The following PCDH11X variants were observed in gnomAD, a reference collection of about 807,000 sequenced individuals.
PCDH11X encodes the protein protocadherin-11 X-linked.
Under a neutral mutation model 53.3 loss-of-function variants are expected in PCDH11X, and 18 were observed. The observed-to-expected ratio is 0.34, with a 90% CI of 0.23 to 0.50. The LOEUF is 0.50. Ranked by LOEUF, PCDH11X falls within the 20% of genes least tolerant of loss-of-function variation. PCDH11X has a pLI of 0.98. For synonymous variants in PCDH11X, 279 were observed against 393.3 expected (o/e 0.71, Z 3.44); for missense variants, 570 against 1,032.4 (o/e 0.55, Z 6.14).
In PCDH11X at chrX:92,094,121, C is replaced by CA. The variant is rs1231937839; in HGVS notation, c.3034-107248dup. On this transcript the variant is annotated intron_variant, in intron 6 of 10. Coordinates refer to ENST00000682573, the MANE Select transcript of PCDH11X (RefSeq NM_032968.5). ...CTATTTAAAAATATCCAGCACCACACAAAAAAGTAATATGTGTGTGTGTGT... is the reference window on the plus strand; with the variant it reads ...CTATTTAAAAATATCCAGCACCACACAAAAAAAGTAATATGTGTGTGTGTGT... Among the ~76,000 whole-genome samples the CA allele has an allele frequency of 6.4e-5, 6 of 94,371 alleles. No homozygotes were observed. In the Admixed American group the frequency reaches 7.8e-4, roughly 12 times the overall value. 81.9% of individuals were successfully genotyped at this position (94,371 alleles called of 115,157 possible). A position where few individuals can be genotyped will look rare whatever the true frequency, so the allele number is the denominator to read the frequency against.
chrX:92,248,330 A>C lies in PCDH11X; in HGVS notation c.3115-14784A>C, dbSNP rs1370592292. On this transcript the variant is annotated intron_variant, in intron 7 of 10. Coordinates refer to ENST00000682573, the MANE Select transcript of PCDH11X (RefSeq NM_032968.5). ...AGCCACATTCTAGGTTCAAGTCAGT[A>C]TCAGAAAGTTAGTTATATATATAAC... is the stretch of plus-strand genomic sequence containing the variant. Among the ~76,000 whole-genome samples, 5 of 112,115 alleles carry C rather than the reference A, an allele frequency of 4.5e-5. No homozygotes were observed. The East Asian group carries it at 1.4e-3, about 31-fold the overall frequency.
intron 7 of PCDH11X, among the ~76,000 whole-genome samples, chrX:92,220,950 CA>C (rs1472895691): frequency 9.8e-6 from 1 of 101,628 alleles, no homozygotes; most frequent in Non-Finnish European, 2.0e-5. Context: ...ATCACAAGAA[CA>C]AAAAACCAAA....
intron 10 of PCDH11X, among the ~76,000 whole-genome samples, chrX:92,549,983 A>T (rs2074927290): frequency 9.0e-6 from 1 of 110,734 alleles, no homozygotes; most frequent in Admixed American, 9.6e-5. Context: ...TTTTGAAAAC[A>T]TATCATAAAT....
chrX:92,549,792 C>G (rs926967028), intron 10 of PCDH11X, among the ~76,000 whole-genome samples: 1 of 110,885 alleles, frequency 9.0e-6, no homozygotes, highest in African/African-American at 3.3e-5. Flanking sequence ...AATAGAGCAG[C>G]ATATGTATTT....
intron 4 of PCDH11X, among the ~76,000 whole-genome samples, chrX:91,824,975 G>C (rs1936854277): frequency 9.1e-6 from 1 of 109,937 alleles, no homozygotes; most frequent in Non-Finnish European, 1.9e-5. Context: ...GTGCCTCCCA[G>C]TTAGGCTGCT....
At chrX:91,927,396 T>G (rs1293911270) in intron 6 of PCDH11X, among the ~76,000 whole-genome samples, 1 of 109,870 alleles carries the variant, frequency 9.1e-6, no homozygotes, top group Non-Finnish European at 1.9e-5. Flanking sequence ...CTTCCCCTTT[T>G]CATAAATGAG....
At chrX:91,942,128 G>A (rs2147857149) in intron 6 of PCDH11X, among the ~76,000 whole-genome samples, 1 of 109,510 alleles carries the variant, frequency 9.1e-6, no homozygotes, top group South Asian at 3.9e-4. Context: ...AAGAATCAAG[G>A]ACCTCAGGCT....
In PCDH11X at chrX:92,024,190, A is replaced by G. The variant is rs1299465982; in HGVS notation, c.3033+144917A>G. ...GGAAATCAGGCAAGATAAATAAATAACGGTATTCAAATAGGAAGAGAGAAA... is the reference window on the plus strand; with the variant it reads ...GGAAATCAGGCAAGATAAATAAATAGCGGTATTCAAATAGGAAGAGAGAAA... On this transcript the variant is annotated intron_variant, in intron 6 of 10. Transcript: ENST00000682573. Among the ~76,000 whole-genome samples, 3 of 110,619 alleles carry G rather than the reference A, an allele frequency of 2.7e-5. No homozygotes were observed. The East Asian group carries it at 8.6e-4, about 32-fold the overall frequency.
rs1402244895 is a variant in PCDH11X, at chrX:92,136,740, G to A, written c.3034-64635G>A. Reference sequence around the variant, plus strand: ...GATAGAGCCTTGCAGGGCATTTTAAGAGCTTTAACTTTTAATCAGAGTGTG... The same window carrying A: ...GATAGAGCCTTGCAGGGCATTTTAAAAGCTTTAACTTTTAATCAGAGTGTG... On this transcript the variant is annotated intron_variant, in intron 6 of 10. Transcript: ENST00000682573. Among the ~76,000 whole-genome samples, 4 of 109,476 alleles carry A rather than the reference G, an allele frequency of 3.7e-5. 1 individual carries two copies. Among genetic ancestry groups the A allele is most frequent in the Admixed American group, 3.0e-4 (3 of 10,058 alleles).
At chrX:92,366,411 G>GT (rs1316110663) in intron 8 of PCDH11X, among the ~76,000 whole-genome samples, 1 of 109,659 alleles carries the variant, frequency 9.1e-6, no homozygotes, top group Non-Finnish European at 1.9e-5. Context: ...CAGTCTATCT[G>GT]TTTTTTAAAA....
chrX:92,384,424 C>T (rs181758072), intron 8 of PCDH11X, among the ~76,000 whole-genome samples: 1,957 of 111,761 alleles, frequency 0.018, 33 homozygotes, highest in African/African-American at 0.06. Flanking sequence ...TCACCTTGCC[C>T]GCTGCCTAGA....
intron 10 of PCDH11X, among the ~76,000 whole-genome samples, chrX:92,527,128 CTGGGGTTT>C (rs1292414884): frequency 1.8e-5 from 2 of 111,240 alleles, no homozygotes; most frequent in African/African-American, 6.5e-5. Flanking sequence ...GGAAGGGTAG[CTGGGGTTT>C]GGGATGAGGT....
At chrX:92,160,302 C>T (rs1294596677) in intron 6 of PCDH11X, among the ~76,000 whole-genome samples, 1 of 110,644 alleles carries the variant, frequency 9.0e-6, no homozygotes, top group African/African-American at 3.3e-5. Context: ...CCTTTTATTT[C>T]TCACTCCCTT....
rs1569389565 is a variant in PCDH11X at position 92,148,180 on chromosome X, CT to C, written c.3034-53192del. Among the ~76,000 whole-genome samples, 95 of 49,974 alleles carry C rather than the reference CT, an allele frequency of 1.9e-3. 19 individuals carry two copies. Among genetic ancestry groups the C allele is most frequent in the African/African-American group, 8.3e-3 (93 of 11,261 alleles). 43.4% of individuals were successfully genotyped at this position (49,974 alleles called of 115,157 possible). The stretch of plus-strand genomic sequence containing the variant: ...TCCTTCCTTCCTTCCTTCCTTCTTT[CT>C]TTCTTTCTTTCTTTCTTTCTTTCTT... On this transcript the variant is annotated intron_variant, in intron 6 of 10. Transcript: ENST00000682573.
At chrX:91,980,944 A>C (rs1210173712) in intron 6 of PCDH11X, among the ~76,000 whole-genome samples, 1 of 97,648 alleles carries the variant, frequency 1.0e-5, no homozygotes, top group Non-Finnish European at 2.0e-5. Context: ...CAGTGTATAT[A>C]TTTTATATAT....
chrX:92,353,845 G>T (rs1021557214), intron 8 of PCDH11X, among the ~76,000 whole-genome samples: 8 of 109,365 alleles, frequency 7.3e-5, no homozygotes, highest in Non-Finnish European at 1.5e-4. Context: ...GACTACACTG[G>T]CCTTGAGTCA....
At chrX:92,441,855 T>C in intron 9 of PCDH11X, among the ~76,000 whole-genome samples, 1 of 110,309 alleles carries the variant, frequency 9.1e-6, no homozygotes, top group East Asian at 2.9e-4. Context: ...TTTCACTGTG[T>C]GCCTGGAAAA....
chrX:92,214,260 G>A (rs192391989), intron 7 of PCDH11X, among the ~76,000 whole-genome samples: 10 of 111,830 alleles, frequency 8.9e-5, no homozygotes, highest in East Asian at 2.8e-4. Flanking sequence ...ATTCAAATGC[G>A]CAAGAAGGAA....
chrX:92,364,801 G>T (rs2070426341), intron 8 of PCDH11X, among the ~76,000 whole-genome samples: 1 of 100,000 alleles, frequency 1.0e-5, no homozygotes, highest in African/African-American at 3.7e-5. Flanking sequence ...TACTTGAGAG[G>T]CTGAGACGGG....
Sources: gnomAD v4.1 joint callset for allele counts (sites outside exome capture counted in the v4.1 genomes callset) on GRCh38, gnomAD v4.1.1 for gene constraint, MANE v1.5 for transcripts, NCBI Gene and HGNC (gene_info 2026-07-23, HGNC 2026-07-21) for gene names.